IL13RA1: variants seen among roughly 807,000 people sequenced by gnomAD.
IL13RA1 encodes the protein interleukin-13 receptor subunit alpha-1.
IL13RA1 carries 14 observed loss-of-function variants against 33.8 expected under a neutral mutation model. The observed-to-expected ratio is 0.41, with a 90% CI of 0.27 to 0.65. The LOEUF is 0.65. Among genes scored for constraint, IL13RA1 ranks in the 30% least tolerant of loss-of-function variants. The pLI is 0.28. For synonymous variants in IL13RA1, 116 were observed against 115.7 expected (o/e 1.00, Z -0.02); for missense variants, 313 against 327.0 (o/e 0.96, Z 0.33).
intron 8 of IL13RA1, among the ~76,000 whole-genome samples, chrX:118,772,849 A>G (rs2017739459): frequency 8.9e-6 from 1 of 112,475 alleles, no homozygotes; most frequent in South Asian, 3.6e-4. Context: ...TTACTGAACA[A>G]TGGACAATGT....
downstream of IL13RA1, among the ~76,000 whole-genome samples, chrX:118,799,027 G>A (rs1307070923): frequency 3.4e-5 from 1 of 28,988 alleles, no homozygotes; most frequent in Non-Finnish European, 7.3e-5. Flanking sequence ...GTGGGCATGG[G>A]CTTGGCGGGG....
intron 10 of IL13RA1, among the ~76,000 whole-genome samples, chrX:118,785,651 AAC>A (rs969262182): frequency 9.1e-6 from 1 of 110,197 alleles, no homozygotes; most frequent in Non-Finnish European, 1.9e-5. Flanking sequence ...GCTCACTGCA[AAC>A]TCCGCCTCCC....
At chrX:118,804,250 C>T in the IL13RA1 span, among the ~76,000 whole-genome samples, 1 of 110,971 alleles carries the variant, frequency 9.0e-6, no homozygotes, top group East Asian at 2.8e-4. Flanking sequence ...AGCCACAGTG[C>T]CCAACAAATT....
chrX:118,801,397 A>C, the IL13RA1 span, among the ~76,000 whole-genome samples: 1 of 111,906 alleles, frequency 8.9e-6, no homozygotes, highest in Non-Finnish European at 1.9e-5. Flanking sequence ...TTCAATCTAA[A>C]ATCTCATGCT....
downstream of IL13RA1, among the ~76,000 whole-genome samples, chrX:118,799,193 C>A (rs1329116738): frequency 3.5e-5 from 4 of 113,456 alleles, no homozygotes; most frequent in South Asian, 1.4e-3. Context: ...TGCCTTCCCG[C>A]GGGGCAGGGC....
chrX:118,788,935 C>T (rs1198429380), intron 10 of IL13RA1, among the ~76,000 whole-genome samples: 3 of 111,689 alleles, frequency 2.7e-5, no homozygotes, highest in Admixed American at 1.9e-4. Context: ...TCTAACATGA[C>T]GTTCAAAGGA....
Position 118,792,179 on chromosome X carries a change from T to C in IL13RA1, c.*325T>C, listed in dbSNP as rs2017983028. ...AACTTCCTGAGGGATCTATACTTGCTTTGTGTTCTTTGTGTCAACATGAAC... is the reference window on the plus strand; with the variant it reads ...AACTTCCTGAGGGATCTATACTTGCCTTGTGTTCTTTGTGTCAACATGAAC... On this transcript the variant is annotated 3_prime_UTR_variant, in exon 11 of 11. Transcript: ENST00000371666. 7.7e-6 allele frequency: 1 copy of C among 129,653 alleles called. No individual in the cohort carries two copies. The allele number at this position is 129,653 out of a possible 1,213,427, so 10.7% of individuals were successfully genotyped here.
intron 8 of IL13RA1, among the ~76,000 whole-genome samples, chrX:118,773,157 G>A (rs1049687646): frequency 8.9e-6 from 1 of 112,228 alleles, no homozygotes; most frequent in South Asian, 3.6e-4. Context: ...AAAACAACAT[G>A]TATTTTGTCA....
In IL13RA1 at chrX:118,776,654, G is replaced by A. The variant is rs150969052; in HGVS notation, c.1191+143G>A. On this transcript the variant is annotated intron_variant, in intron 10 of 10. Transcript: ENST00000371666. ...CATTTTTAAGTATACAGTTCAGGCT[G>A]GGTATGGCAGCTGACGCCTGTAATC... is the stretch of plus-strand genomic sequence containing the variant. The A allele has an allele frequency of 2.1e-3, 741 of 354,062 alleles. 6 individuals are homozygous for A. The highest frequency in any genetic ancestry group is 0.018 in the African/African-American group (647 of 36,695). 29.2% of individuals were successfully genotyped at this position (354,062 alleles called of 1,213,427 possible).
At chrX:118,732,043 AT>A (rs1025747727) in intron 1 of IL13RA1, among the ~76,000 whole-genome samples, 2 of 111,929 alleles carry the variant, frequency 1.8e-5, no homozygotes, top group African/African-American at 6.5e-5. Context: ...TCAATTTTTT[AT>A]TATAAAATAC....
At position 118,787,946 on chromosome X, in the gene IL13RA1, C is replaced by T. The variant is rs149011984; in HGVS notation, c.1192-3816C>T. ...ATGCAATCATCACAGGGGCCTGAGG[C>T]GACATACATCCTCAGTTTATGAAGA... On this transcript the variant is annotated intron_variant, in intron 10 of 10. Transcript: ENST00000371666. Among the ~76,000 whole-genome samples the T allele has an allele frequency of 1.3e-3, 148 of 111,073 alleles. 1 individual carries two copies. The East Asian group carries it at 0.04, about 30-fold the overall frequency.
chrX:118,764,963 C>T (rs2017630675), intron 6 of IL13RA1, among the ~76,000 whole-genome samples: 1 of 112,328 alleles, frequency 8.9e-6, no homozygotes, highest in Admixed American at 9.5e-5. Flanking sequence ...GATTTTTCAC[C>T]TATGTAACCA....
At chrX:118,781,253 G>C (rs1429041621) in intron 10 of IL13RA1, among the ~76,000 whole-genome samples, 5 of 111,231 alleles carry the variant, frequency 4.5e-5, no homozygotes, top group African/African-American at 9.8e-5. Flanking sequence ...CTTATTTTCA[G>C]CATTGTGCCA....
chrX:118,766,573 TG>T lies in IL13RA1; in HGVS notation c.874del (p.Glu292ArgfsTer16). 9.6e-7 allele frequency: 1 copy of T among 1,044,547 alleles called. No homozygotes were observed. Among genetic ancestry groups the T allele is most frequent in the Non-Finnish European group, 1.3e-6 (1 of 744,138 alleles). The allele number at this position is 1,044,547 out of a possible 1,213,427, so 86.1% of individuals were successfully genotyped here. A position where few individuals can be genotyped will look rare whatever the true frequency, so the allele number is the denominator to read the frequency against. On this transcript the variant is annotated frameshift_variant, in exon 7 of 11. Transcript: ENST00000371666. LOFTEE classifies it high-confidence loss of function. ...GAGAATCCAGAATTTGAGAGAAATGTGGAGGTCAGTAAATTCAACATTAGCT... is the reference window on the plus strand; with the variant it reads ...GAGAATCCAGAATTTGAGAGAAATGTGAGGTCAGTAAATTCAACATTAGCT... ...KCENPEFERN[V>X]ENTSCFMVPG...
intron 8 of IL13RA1, among the ~76,000 whole-genome samples, chrX:118,767,403 T>C (rs1160583345): frequency 1.8e-5 from 2 of 110,873 alleles, no homozygotes; most frequent in Admixed American, 9.6e-5. Context: ...TAACCAGATA[T>C]GGTGGTGCAC....
chrX:118,739,310 C>T (rs924608886), intron 1 of IL13RA1, among the ~76,000 whole-genome samples: 2 of 111,785 alleles, frequency 1.8e-5, no homozygotes, highest in African/African-American at 3.3e-5. Context: ...TTAGAGAAAC[C>T]TCAACTACAG....
intron 9 of IL13RA1, among the ~76,000 whole-genome samples, chrX:118,775,853 G>A (rs777758479): frequency 1.5e-4 from 17 of 111,699 alleles, no homozygotes; most frequent in African/African-American, 5.2e-4. Context: ...TTTTGTGCAT[G>A]AATCTGGAGT....
intron 6 of IL13RA1, 116 bp downstream of exon 6, chrX:118,761,405 A>G: frequency 2.6e-6 from 1 of 388,390 alleles, no homozygotes; most frequent in Non-Finnish European, 4.4e-6. Context: ...TGATGATGGT[A>G]ATGAAACTTC....
intron 5 of IL13RA1, among the ~76,000 whole-genome samples, chrX:118,760,631 ACTT>A (rs1472090980): frequency 1.8e-5 from 2 of 112,335 alleles, no homozygotes; most frequent in African/African-American, 6.5e-5. Flanking sequence ...TTTTAAATAA[ACTT>A]CTTCTATAAT....
Sources: gnomAD v4.1 joint callset for allele counts (sites outside exome capture counted in the v4.1 genomes callset) on GRCh38, gnomAD v4.1.1 for gene constraint, MANE v1.5 for transcripts, NCBI Gene and HGNC (gene_info 2026-07-23, HGNC 2026-07-21) for gene names.